The following SPAST variants were observed in gnomAD, a reference collection of about 807,000 sequenced individuals.
SPAST encodes spastic paraplegia 4 (autosomal dominant; spastin).
A neutral mutation model predicts 76.6 loss-of-function variants in SPAST; 30 were observed. That is an observed-to-expected ratio of 0.39 (90% CI 0.29 to 0.53). SPAST has a LOEUF of 0.53. Ranked by LOEUF, SPAST falls within the 20% of genes least tolerant of loss-of-function variation. The probability of loss-of-function intolerance (pLI) is 0.68; values close to 1 mark genes in which losing one functional copy is unlikely to be tolerated. For synonymous variants in SPAST, 305 were observed against 281.0 expected, an observed-to-expected ratio of 1.09 and a Z score of -0.86; for missense variants, 717 against 770.5, an observed-to-expected ratio of 0.93 and a Z score of 0.82.
intron 1 of SPAST, among the ~76,000 whole-genome samples, chr2:32,078,863 G>T (rs1677082844): frequency 1.3e-5 from 2 of 151,832 alleles, no homozygotes; most frequent in South Asian, 4.1e-4. Flanking sequence ...GATCTTCCTT[G>T]TGTTTTTTCA....
At chr2:32,141,011 G>A (rs1223180001) in intron 12 of SPAST, among the ~76,000 whole-genome samples, 1 of 133,964 alleles carries the variant, frequency 7.5e-6, no homozygotes, top group Non-Finnish European at 1.6e-5. Context: ...ATTTTTCTTT[G>A]AATAAAAGGA....
intron 12 of SPAST, 79 bp from the exon 13 acceptor site, chr2:32,141,825 A>T: frequency 8.8e-7 from 1 of 1,131,348 alleles, no homozygotes; most frequent in South Asian, 1.3e-5. Flanking sequence ...ATTATATTTT[A>T]AAAGCTTTTC....
intron 4 of SPAST, among the ~76,000 whole-genome samples, chr2:32,106,447 G>A (rs1014925443): frequency 3.3e-5 from 5 of 152,078 alleles, no homozygotes; most frequent in African/African-American, 9.7e-5. Flanking sequence ...CTCACACTAT[G>A]TGGGCTGCAC....
chr2:32,066,972 CAAA>C (rs60829143), intron 1 of SPAST, among the ~76,000 whole-genome samples: 22 of 77,596 alleles, frequency 2.8e-4, no homozygotes, highest in South Asian at 1.3e-3. Flanking sequence ...AAAACTGTCT[CAAA>C]AAAAAAAAAA....
chr2:32,087,667 TTTTC>T (rs1475192486), intron 2 of SPAST, 89 bp downstream of exon 2: 3 of 489,844 alleles, frequency 6.1e-6, no homozygotes, highest in Admixed American at 4.0e-5. Context: ...ATTTATTTAT[TTTTC>T]TTTCTTTCTT....
chr2:32,091,403 C>G (rs1420508216), intron 3 of SPAST, among the ~76,000 whole-genome samples: 1 of 150,874 alleles, frequency 6.6e-6, no homozygotes, highest in East Asian at 2.0e-4. Context: ...GATTCAGTCT[C>G]CCGAGTAGCT....
At chr2:32,110,758 T>C (rs1373178085) in intron 4 of SPAST, among the ~76,000 whole-genome samples, 1 of 139,478 alleles carries the variant, frequency 7.2e-6, no homozygotes, top group South Asian at 2.2e-4. Context: ...TATAGTATAG[T>C]ATATATAGTA....
intron 4 of SPAST, among the ~76,000 whole-genome samples, chr2:32,110,766 G>A (rs1678549620): frequency 1.5e-5 from 2 of 137,306 alleles, no homozygotes; most frequent in Admixed American, 1.5e-4. Context: ...AGTATATATA[G>A]TATACATAGT....
intron 1 of SPAST, among the ~76,000 whole-genome samples, chr2:32,064,462 T>G (rs2148686205): frequency 6.6e-6 from 1 of 152,298 alleles, no homozygotes; most frequent in African/African-American, 2.4e-5. Flanking sequence ...GTCGACTTTG[T>G]TTCAGACACC....
intron 1 of SPAST, chr2:32,065,940 T>C (rs959802871): frequency 6.6e-6 from 1 of 152,052 alleles, no homozygotes; most frequent in Non-Finnish European, 1.5e-5. Flanking sequence ...ACTATGTGTT[T>C]GTAGAAGGAA....
At position 32,137,010 on chromosome 2, in the gene SPAST, G is replaced by GTATA. The variant is rs10627985; in HGVS notation, c.1413+44_1413+47dup. ...ATATTTTTAATGTGGCAGCATTTTA[G>GTATA]TATATTTTCCTATTAAATGGCCAAG... On this transcript the variant is annotated intron_variant, in intron 11 of 16. Coordinates refer to ENST00000315285, the MANE Select transcript of SPAST (RefSeq NM_014946.4). 535,612 of 1,509,926 alleles carry GTATA rather than the reference G, an allele frequency of 0.35. 101,253 individuals carry two copies. Among genetic ancestry groups the GTATA allele is most frequent in the East Asian group, 0.61 (26,090 of 43,004 alleles). 93.5% of individuals were successfully genotyped at this position (1,509,926 alleles called of 1,614,324 possible).
chr2:32,064,225 C>T lies in SPAST; in HGVS notation c.394C>T (p.Arg132Cys). ...CTTCGAGTACATCTCCATTGCCCTG[C>T]GCATCGATGAGGATGAGAAAGGTAA... ...QAFEYISIAL[R>C]IDEDEKAGQK... Residue 132 changes from arginine to cysteine, a missense_variant, in exon 1 of 17, where the codon CGC becomes TGC. Arg to Cys is a radical substitution (Grantham distance 180). Coordinates refer to ENST00000315285, the MANE Select transcript of SPAST (RefSeq NM_014946.4). The T allele has an allele frequency of 1.3e-6, 2 of 1,549,742 alleles. No individual in the cohort carries two copies. The highest frequency in any genetic ancestry group is 1.7e-6 in the Non-Finnish European group (2 of 1,148,072).
At chr2:32,079,386 C>T (rs893216451) in intron 1 of SPAST, among the ~76,000 whole-genome samples, 6 of 151,748 alleles carry the variant, frequency 4.0e-5, no homozygotes, top group African/African-American at 9.7e-5. Flanking sequence ...TGGTGCACAC[C>T]TGTGGTCCCA....
At chr2:32,113,234 T>C (rs1047241560) in intron 4 of SPAST, among the ~76,000 whole-genome samples, 10 of 151,636 alleles carry the variant, frequency 6.6e-5, no homozygotes, top group Admixed American at 2.0e-4. Flanking sequence ...TACAGGGATG[T>C]GCCACCACGC....
rs552634141 is a variant in SPAST at position 32,128,587 on chromosome 2, C to G, written c.1245+108C>G. On this transcript the variant is annotated intron_variant, in intron 9 of 16. Transcript: ENST00000315285. ...TGAAAATATTTTTCTAGGAGCTTAT[C>G]TATTGTATCTATTATTTACATATGA... 10 of 740,738 alleles carry G rather than the reference C, an allele frequency of 1.3e-5. No homozygotes were observed. The South Asian group carries it at 1.5e-4, about 11-fold the overall frequency. The allele number at this position is 740,738 out of a possible 1,614,324, so 45.9% of individuals were successfully genotyped here.
chr2:32,128,689 A>G, intron 9 of SPAST: 1 of 559,106 alleles, frequency 1.8e-6, no homozygotes, highest in Non-Finnish European at 3.2e-6. Flanking sequence ...GGGGCCATGT[A>G]ATAAAATACC....
At chr2:32,109,455 T>G in intron 4 of SPAST, among the ~76,000 whole-genome samples, 1 of 152,038 alleles carries the variant, frequency 6.6e-6, no homozygotes, top group Admixed American at 6.6e-5. Context: ...AATATTCCCC[T>G]TCTGTTTCTT....
chr2:32,082,120 A>G (rs1302866566), intron 1 of SPAST, among the ~76,000 whole-genome samples: 4 of 146,596 alleles, frequency 2.7e-5, no homozygotes, highest in East Asian at 2.1e-4. Context: ...AGCCTCCCAA[A>G]TAGCTGGGAG....
chr2:32,081,781 C>CAAAAAAAAAAAAA (rs34078147), intron 1 of SPAST, among the ~76,000 whole-genome samples: 935 of 44,330 alleles, frequency 0.021, 78 homozygotes, highest in East Asian at 0.058. Flanking sequence ...GAGACACTGT[C>CAAAAAAAAAAAAA]AAAAAAAAAA....
Sources: allele counts gnomAD v4.1 joint callset (sites outside exome capture counted in the v4.1 genomes callset), GRCh38; gene constraint gnomAD v4.1.1; transcripts MANE v1.5; gene names NCBI Gene and HGNC (gene_info 2026-07-23, HGNC 2026-07-21).